The following TBL1XR1 variants were observed in gnomAD, a reference collection of about 807,000 sequenced individuals.
TBL1XR1 encodes the protein F-box-like/WD repeat-containing protein TBL1XR1.
TBL1XR1 carries 5 observed loss-of-function variants against 66.9 expected under a neutral mutation model. The ratio of observed to expected loss-of-function variants is 0.07; its 90% CI spans 0.04 to 0.16. The LOEUF is 0.16. Among genes scored for constraint, TBL1XR1 ranks in the 10% least tolerant of loss-of-function variants. The pLI, the probability that TBL1XR1 is intolerant of heterozygous loss-of-function variation, is 1.00. For synonymous variants in TBL1XR1, 210 were observed against 206.0 expected, an observed-to-expected ratio of 1.02 and a Z score of -0.17; for missense variants, 238 against 623.2, an observed-to-expected ratio of 0.38 and a Z score of 6.58.
intron 9 of TBL1XR1, 112 bp downstream of exon 9, chr3:177,047,188 T>C (rs546397255): frequency 8.3e-6 from 7 of 840,582 alleles, no homozygotes; most frequent in Admixed American, 2.8e-5. Context: ...CATAAATTCC[T>C]ATGTGAATTT....
intron 2 of TBL1XR1, among the ~76,000 whole-genome samples, chr3:177,065,583 A>G (rs933769960): frequency 6.6e-6 from 1 of 152,220 alleles, no homozygotes; most frequent in African/African-American, 2.4e-5. Flanking sequence ...ACAGTTCCCA[A>G]AACTCAAATG....
chr3:177,196,796 G>T (rs923020621), intron 1 of TBL1XR1, among the ~76,000 whole-genome samples: 1 of 151,928 alleles, frequency 6.6e-6, no homozygotes, highest in Non-Finnish European at 1.5e-5. Flanking sequence ...GGAAGAGGGG[G>T]AGAAGGCCGA....
At chr3:177,120,771 T>C (rs532193843) in intron 1 of TBL1XR1, 75 of 152,352 alleles carry the variant, frequency 4.9e-4, no homozygotes, top group African/African-American at 1.8e-3. Flanking sequence ...ACATAATCAA[T>C]TGAGTTAACT....
intron 3 of TBL1XR1, among the ~76,000 whole-genome samples, chr3:177,063,460 A>G (rs568833084): frequency 2.0e-5 from 3 of 152,316 alleles, no homozygotes; most frequent in East Asian, 1.9e-4. Context: ...CCAGTGTCCA[A>G]AAGTCTCAAA....
intron 1 of TBL1XR1, among the ~76,000 whole-genome samples, chr3:177,115,630 C>T (rs1183088766): frequency 6.6e-6 from 1 of 152,138 alleles, no homozygotes; most frequent in Non-Finnish European, 1.5e-5. Flanking sequence ...ACTCTTTCCC[C>T]GCAACTTTGA....
chr3:177,123,731 G>C (rs1231653877), intron 1 of TBL1XR1, among the ~76,000 whole-genome samples: 1 of 151,960 alleles, frequency 6.6e-6, no homozygotes, highest in East Asian at 1.9e-4. Flanking sequence ...TAAAACATAT[G>C]ATTCAAACAT....
At chr3:177,090,386 A>C (rs949699500) in intron 2 of TBL1XR1, among the ~76,000 whole-genome samples, 3 of 150,740 alleles carry the variant, frequency 2.0e-5, no homozygotes, top group Non-Finnish European at 4.4e-5. Flanking sequence ...AAAATGAAAC[A>C]AATTGGCCTG....
At chr3:177,072,330 T>A (rs550204140) in intron 2 of TBL1XR1, among the ~76,000 whole-genome samples, 3 of 152,268 alleles carry the variant, frequency 2.0e-5, no homozygotes, top group Non-Finnish European at 4.4e-5. Flanking sequence ...TACTAAGATA[T>A]TACTTGCATT....
At chr3:177,143,501 G>A (rs560191443) in intron 1 of TBL1XR1, among the ~76,000 whole-genome samples, 4 of 152,178 alleles carry the variant, frequency 2.6e-5, no homozygotes, top group Non-Finnish European at 5.9e-5. Flanking sequence ...TGATGATGGG[G>A]CAGGGGGATA....
At chr3:177,135,370 TATATATATATATGTATG>T (rs1728860908) in intron 1 of TBL1XR1, among the ~76,000 whole-genome samples, 1 of 31,844 alleles carries the variant, frequency 3.1e-5, no homozygotes, top group African/African-American at 2.0e-4. Flanking sequence ...TATATATATA[TATATATATATATGTATG>T]TATTTTTTTT....
chr3:177,166,851 A>C (rs1732880915), intron 1 of TBL1XR1, among the ~76,000 whole-genome samples: 1 of 152,214 alleles, frequency 6.6e-6, no homozygotes, highest in Non-Finnish European at 1.5e-5. Flanking sequence ...AAAACACCAA[A>C]TGCTGGTGAA....
At chr3:177,056,494 T>C (rs1717819139) in intron 3 of TBL1XR1, among the ~76,000 whole-genome samples, 1 of 152,188 alleles carries the variant, frequency 6.6e-6, no homozygotes, top group Admixed American at 6.5e-5. Flanking sequence ...CAATGAAACA[T>C]CCCTGAAGTA....
intron 7 of TBL1XR1, chr3:177,047,857 A>C: frequency 3.3e-6 from 1 of 305,714 alleles, no homozygotes. Context: ...CACAACTAAG[A>C]ATGAAGGTAG....
At chr3:177,110,486 G>A (rs1577196378) in intron 1 of TBL1XR1, among the ~76,000 whole-genome samples, 1 of 152,148 alleles carries the variant, frequency 6.6e-6, no homozygotes, top group Middle Eastern at 3.4e-3. Flanking sequence ...AGAACACCTG[G>A]TCTTGGTTTT....
intron 1 of TBL1XR1, among the ~76,000 whole-genome samples, chr3:177,128,126 G>C (rs9843633): frequency 0.037 from 5,600 of 152,012 alleles, 197 homozygotes; most frequent in African/African-American, 0.083. Context: ...GGCTGAGGCA[G>C]GAGAATCACC....
At chr3:177,065,566 C>T (rs937829593) in intron 2 of TBL1XR1, among the ~76,000 whole-genome samples, 1 of 152,106 alleles carries the variant, frequency 6.6e-6, no homozygotes, top group African/African-American at 2.4e-5. Flanking sequence ...ATGAGATAGG[C>T]TGGAATACAG....
Position 177,025,186 on chromosome 3 carries a change from T to G in TBL1XR1, c.*312A>C, listed in dbSNP as rs1712936137. On this transcript the variant is annotated 3_prime_UTR_variant, in exon 16 of 16. Transcript: ENST00000457928. ...CATTTAGTATCCAAAAACTGGTACA[T>G]GTATGTTCTGCTTTTATAATGTATA... The G allele has an allele frequency of 1.3e-5, 4 of 311,822 alleles. No homozygotes were observed. Among genetic ancestry groups the G allele is most frequent in the Admixed American group, 4.9e-5 (1 of 20,292 alleles). The allele number at this position is 311,822 out of a possible 1,614,324, so 19.3% of individuals were successfully genotyped here.
intron 1 of TBL1XR1, among the ~76,000 whole-genome samples, chr3:177,168,656 A>G (rs1318837759): frequency 6.6e-6 from 1 of 152,194 alleles, no homozygotes; most frequent in Non-Finnish European, 1.5e-5. Flanking sequence ...GGTGTTCATG[A>G]AAGGATGTGA....
intron 3 of TBL1XR1, among the ~76,000 whole-genome samples, 153 bp from the exon 4 acceptor site, chr3:177,054,071 T>TGC (rs774259386): frequency 9.4e-4 from 122 of 129,418 alleles, no homozygotes; most frequent in East Asian, 2.6e-3. Flanking sequence ...TGTGTGTGTG[T>TGC]GTGCGCGCGC....
Sources: allele counts gnomAD v4.1 joint callset (sites outside exome capture counted in the v4.1 genomes callset), GRCh38; gene constraint gnomAD v4.1.1; transcripts MANE v1.5; gene names NCBI Gene and HGNC (gene_info 2026-07-23, HGNC 2026-07-21).